Variants in PLCH2 observed in about 807,000 individuals in gnomAD.
PLCH2 encodes the protein 1-phosphatidylinositol 4,5-bisphosphate phosphodiesterase eta-2.
In PLCH2, 98 loss-of-function variants were observed where a neutral mutation model predicts 134.7. The ratio of observed to expected loss-of-function variants is 0.73; its 90% CI spans 0.62 to 0.86. The LOEUF is 0.86. PLCH2 is among the 40% of genes least tolerant of loss of function. The probability of loss-of-function intolerance (pLI) is 0.00; values close to 1 mark genes in which losing one functional copy is unlikely to be tolerated. For synonymous variants in PLCH2, 974 were observed against 827.5 expected (o/e 1.18, Z -3.04); for missense variants, 1,994 against 1,986.6 (o/e 1.00, Z -0.07).
At chr1:2,503,175 G>A (rs1299612445) in intron 21 of PLCH2, 12 of 621,158 alleles carry the variant, frequency 1.9e-5, no homozygotes, top group Middle Eastern at 3.1e-4. Context: ...AGCTGCTCTT[G>A]CTGAGGGTCT....
At chr1:2,447,533 C>A (rs1313642365) in intron 2 of PLCH2, among the ~76,000 whole-genome samples, 1 of 152,198 alleles carries the variant, frequency 6.6e-6, no homozygotes, top group African/African-American at 2.4e-5. Flanking sequence ...TGAGGGCCTG[C>A]AGCTCCAGGG....
intron 1 of PLCH2, among the ~76,000 whole-genome samples, chr1:2,477,827 C>T (rs1164101875): frequency 6.6e-6 from 1 of 152,206 alleles, no homozygotes; most frequent in Non-Finnish European, 1.5e-5. Context: ...ATTCGTGGCG[C>T]TTGTTGCACA....
intron 2 of PLCH2, among the ~76,000 whole-genome samples, chr1:2,432,881 G>A (rs1036221775): frequency 3.3e-5 from 5 of 152,194 alleles, no homozygotes; most frequent in African/African-American, 1.2e-4. Flanking sequence ...TTTCCCGTCC[G>A]TCAGGTGGGG....
intron 2 of PLCH2, among the ~76,000 whole-genome samples, chr1:2,446,451 G>A (rs1471210750): frequency 6.6e-6 from 1 of 152,198 alleles, no homozygotes; most frequent in African/African-American, 2.4e-5. Flanking sequence ...GCAGAAGCAG[G>A]AGCTGTGTGC....
intron 4 of PLCH2, among the ~76,000 whole-genome samples, chr1:2,482,177 G>A (rs1642006738): frequency 6.6e-6 from 1 of 152,224 alleles, no homozygotes; most frequent in South Asian, 2.1e-4. Context: ...GTGGGGCTCA[G>A]GCCCCGAGGG....
intron 8 of PLCH2, among the ~76,000 whole-genome samples, chr1:2,488,587 A>C (rs1642400308): frequency 6.6e-6 from 1 of 152,268 alleles, no homozygotes; most frequent in Non-Finnish European, 1.5e-5. Context: ...TTCTGAAAGA[A>C]TCATGGCTGC....
At position 2,503,957 on chromosome 1, in the gene PLCH2, C is replaced by A. The variant is rs749658845; in HGVS notation, c.2995C>A (p.Pro999Thr). ...CCTCTCCACGCAGCGGCCACTCCCC[C>A]CACTGTGCAGCCTGGAAACCATCGC... ...RPLSTQRPLPPLCSLETIAEE... is the reference protein window; with the variant it reads ...RPLSTQRPLPTLCSLETIAEE... The change falls in exon 22 of 22, where the codon CCA becomes ACA. Residue 999 changes from proline to threonine, a missense_variant. Physicochemically the swap from Pro to Thr is conservative, Grantham distance 38. Around this residue, in one of 2 missense-constraint regions of PLCH2, gnomAD observed 900 missense variants for 752.3 expected, o/e 1.20. Coordinates refer to ENST00000378486, the MANE Select transcript of PLCH2 (RefSeq NM_014638.4). 1.4e-5 allele frequency: 21 copies of A among 1,458,596 alleles called. No homozygotes were observed. The highest frequency in any genetic ancestry group is 7.3e-5 in the South Asian group (6 of 82,174). The allele number at this position is 1,458,596 out of a possible 1,614,324, so 90.4% of individuals were successfully genotyped here.
intron 2 of PLCH2, among the ~76,000 whole-genome samples, chr1:2,440,164 A>T (rs1403169615): frequency 6.6e-6 from 1 of 152,114 alleles, no homozygotes; most frequent in Non-Finnish European, 1.5e-5. Context: ...GTCCAGCTGC[A>T]GGGGTGGGTG....
intron 2 of PLCH2, among the ~76,000 whole-genome samples, chr1:2,450,946 G>A (rs1050940689): frequency 2.7e-4 from 41 of 151,554 alleles, no homozygotes; most frequent in Middle Eastern, 6.8e-3. Context: ...GTGAGGGTGA[G>A]CAGGTGACTT....
rs1266965455 is a variant in PLCH2 at position 2,498,648 on chromosome 1, G to GTGGGGGCCA, written c.2349+2_2349+10dup. 3.9e-6 allele frequency: 6 copies of GTGGGGGCCA among 1,549,128 alleles called. No individual in the cohort carries two copies. Among genetic ancestry groups the GTGGGGGCCA allele is most frequent in the Admixed American group, 2.0e-5 (1 of 51,234 alleles). On this transcript the variant is annotated splice_donor_variant, in intron 17 of 21. Coordinates refer to ENST00000378486, the MANE Select transcript of PLCH2 (RefSeq NM_014638.4). LOFTEE classifies it high-confidence loss of function. This position sits in a 1 kb window ranked among gnomAD's most constrained non-coding sequence, Gnocchi z 5.4. ...CTCCATGCTGGGGGACCGTGGGGAG[G>GTGGGGGCCA]TGGGGGCCAGCCCCACACAGGCGGG... is the stretch of plus-strand genomic sequence containing the variant.
At chr1:2,483,762 T>TG (rs1558004563) in intron 4 of PLCH2, among the ~76,000 whole-genome samples, 22 of 109,828 alleles carry the variant, frequency 2.0e-4, no homozygotes, top group African/African-American at 6.1e-4. Context: ...TTGACCCCCG[T>TG]TTGGGGGGGC....
chr1:2,487,407 G>C (rs1416568235), intron 7 of PLCH2, 31 bp downstream of exon 7: 2 of 1,589,276 alleles, frequency 1.3e-6, no homozygotes, highest in African/African-American at 2.7e-5. Context: ...GACGGCCGTG[G>C]GCTGGCATCT....
intron 13 of PLCH2, 148 bp from the exon 14 acceptor site, chr1:2,496,459 C>T (rs553738357): frequency 2.7e-5 from 19 of 696,824 alleles, no homozygotes; most frequent in East Asian, 8.1e-5. Context: ...TTCCGCAGCC[C>T]GCGGCCCAGT....
rs2477683 is a variant in PLCH2, at chr1:2,458,765, C to T, written c.116-19711C>T. On this transcript the variant is annotated intron_variant, in intron 2 of 3. Transcript: ENST00000609981. The stretch of plus-strand genomic sequence containing the variant: ...GGGCAGCCCCCCAAAGACCCATCTG[C>T]ACAGGGATGATCTCGAGGCCACGTT... Among the ~76,000 whole-genome samples, 667 of 152,354 alleles carry T rather than the reference C, an allele frequency of 4.4e-3. 11 individuals are homozygous for T. The highest frequency in any genetic ancestry group is 0.015 in the African/African-American group (634 of 41,578).
chr1:2,497,436 G>A (rs963411801), intron 15 of PLCH2, 66 bp from the exon 16 acceptor site: 17 of 1,140,716 alleles, frequency 1.5e-5, no homozygotes, highest in Non-Finnish European at 1.8e-5. Flanking sequence ...GTGTGGTGGT[G>A]GGTGGGCGGG....
upstream of PLCH2, among the ~76,000 whole-genome samples, chr1:2,463,629 A>C (rs2494635): frequency 0.45 from 68,752 of 151,530 alleles, 16,336 homozygotes; most frequent in East Asian, 0.59. Context: ...AGACAGCTGC[A>C]GCCCGGAGAC....
chr1:2,490,518 C>T (rs965707156), intron 10 of PLCH2, among the ~76,000 whole-genome samples: 6 of 152,274 alleles, frequency 3.9e-5, no homozygotes, highest in Non-Finnish European at 7.4e-5. Context: ...GCTCTGGGGC[C>T]GCTGCTGTGA....
chr1:2,472,818 G>A (rs1303581017), upstream of PLCH2, among the ~76,000 whole-genome samples: 4 of 152,140 alleles, frequency 2.6e-5, no homozygotes, highest in African/African-American at 9.7e-5. Flanking sequence ...GTACACGCTC[G>A]TGAAGGGAAG....
chr1:2,489,401 G>A (rs372403886), intron 9 of PLCH2, 23 bp downstream of exon 9: 8 of 1,611,704 alleles, frequency 5.0e-6, no homozygotes, highest in Non-Finnish European at 6.8e-6. Context: ...CTGCCCTCCT[G>A]GGACCAGCTC....
Sources: gnomAD v4.1 joint callset for allele counts (sites outside exome capture counted in the v4.1 genomes callset) on GRCh38, gnomAD v4.1.1 for gene constraint, gnomAD v4.1.1 regional missense constraint, Gnocchi (gnomAD v3.1) non-coding constraint, MANE v1.5 for transcripts, NCBI Gene and HGNC (gene_info 2026-07-23, HGNC 2026-07-21) for gene names.